CSMD3: variants seen among roughly 807,000 people sequenced by gnomAD.
CSMD3 encodes the protein CUB and Sushi multiple domains 3.
Under a neutral mutation model 435.2 loss-of-function variants are expected in CSMD3, and 177 were observed. The ratio of observed to expected loss-of-function variants is 0.41; its 90% CI spans 0.36 to 0.46. The LOEUF is 0.46. CSMD3 is among the 20% of genes least tolerant of loss of function. CSMD3 has a pLI of 0.34. For missense variants in CSMD3, 4,265 were observed against 4,504.6 expected (o/e 0.95, Z 1.52); for synonymous variants, 1,656 against 1,520.5 (o/e 1.09, Z -2.07).
At chr8:112,769,825 G>T (rs2078067945) in intron 13 of CSMD3, among the ~76,000 whole-genome samples, 1 of 151,464 alleles carries the variant, frequency 6.6e-6, no homozygotes, top group Admixed American at 6.6e-5. Context: ...TATTTAAGTT[G>T]AAAAAATTAT....
At chr8:113,007,200 C>A (rs2086090528) in intron 6 of CSMD3, among the ~76,000 whole-genome samples, 1 of 151,864 alleles carries the variant, frequency 6.6e-6, no homozygotes, top group Admixed American at 6.6e-5. Context: ...TGATTACTCT[C>A]TAGGGCTTGG....
intron 13 of CSMD3, among the ~76,000 whole-genome samples, chr8:112,763,175 A>G (rs548432381): frequency 8.6e-4 from 130 of 151,788 alleles, no homozygotes; most frequent in African/African-American, 3.1e-3. Flanking sequence ...TATTTTGTCA[A>G]GTTAAAAAAA....
At chr8:113,260,953 T>C (rs1237353173) in intron 3 of CSMD3, among the ~76,000 whole-genome samples, 3 of 152,182 alleles carry the variant, frequency 2.0e-5, no homozygotes, top group Non-Finnish European at 4.4e-5. Context: ...ATGTGCCACA[T>C]TTTCTTTATC....
At chr8:112,459,853 C>T (rs1036369726) in intron 32 of CSMD3, among the ~76,000 whole-genome samples, 2 of 152,020 alleles carry the variant, frequency 1.3e-5, no homozygotes, top group African/African-American at 2.4e-5. Context: ...ATATATAGTC[C>T]CTTTCAGAAA....
chr8:113,247,632 T>C (rs1422074720), intron 3 of CSMD3, among the ~76,000 whole-genome samples: 4 of 152,140 alleles, frequency 2.6e-5, no homozygotes, highest in African/African-American at 9.6e-5. Flanking sequence ...GAGGAGTAGA[T>C]TTCTGTAAGT....
chr8:112,390,354 C>G (rs762266735), intron 36 of CSMD3, among the ~76,000 whole-genome samples: 2 of 152,072 alleles, frequency 1.3e-5, no homozygotes, highest in Non-Finnish European at 2.9e-5. Flanking sequence ...CATGGCAGAA[C>G]AGAGAGATGG....
At chr8:112,349,156 AAAAAAT>A (rs1166906697) in intron 40 of CSMD3, among the ~76,000 whole-genome samples, 1 of 152,124 alleles carries the variant, frequency 6.6e-6, no homozygotes, top group Non-Finnish European at 1.5e-5. Context: ...ACATAATGTG[AAAAAAT>A]AAATATGTAA....
chr8:112,977,894 T>C (rs1173107096), intron 6 of CSMD3, among the ~76,000 whole-genome samples: 2 of 152,046 alleles, frequency 1.3e-5, no homozygotes, highest in Admixed American at 6.6e-5. Context: ...ATAATAATTT[T>C]TTAACCACAT....
rs1026321562 is a variant in CSMD3, at chr8:113,233,426, T to A, written c.514+45166A>T. Among the ~76,000 whole-genome samples, 4 of 150,786 alleles carry A rather than the reference T, an allele frequency of 2.7e-5. No individual in the cohort carries two copies. In the East Asian group the frequency reaches 7.8e-4, roughly 29 times the overall value. On this transcript the variant is annotated intron_variant, in intron 3 of 70. Coordinates refer to ENST00000297405, the MANE Select transcript of CSMD3 (RefSeq NM_198123.2). ...AAATTAAAAACATGATTGTTCAGAT[T>A]AAAAAATAATAAAACCTTGCATTTA... is the stretch of plus-strand genomic sequence containing the variant.
chr8:113,278,561 C>T (rs1386821855), intron 3 of CSMD3, 31 bp downstream of exon 3: 5 of 986,036 alleles, frequency 5.1e-6, no homozygotes, highest in Non-Finnish European at 4.9e-6. Context: ...ACATTAAGGG[C>T]AGTGGTTTGT....
chr8:112,305,811 T>A (rs1378917932), intron 51 of CSMD3, among the ~76,000 whole-genome samples, 196 bp downstream of exon 51: 4 of 152,164 alleles, frequency 2.6e-5, no homozygotes, highest in Non-Finnish European at 5.9e-5. Context: ...TCTGAGGTTT[T>A]CAAAAATGAT....
At chr8:112,881,219 G>C (rs2081439058) in intron 10 of CSMD3, among the ~76,000 whole-genome samples, 1 of 151,938 alleles carries the variant, frequency 6.6e-6, no homozygotes, top group Non-Finnish European at 1.5e-5. Context: ...TGAAACAACT[G>C]CTACAAAATA....
intron 64 of CSMD3, 42 bp downstream of exon 64, chr8:112,246,978 T>G (rs768663381): frequency 7.3e-7 from 1 of 1,363,238 alleles, no homozygotes; most frequent in South Asian, 1.2e-5. Flanking sequence ...TGCATATAAA[T>G]TCTTACCCAT....
At chr8:113,171,962 T>A (rs908204336) in intron 4 of CSMD3, among the ~76,000 whole-genome samples, 1 of 152,154 alleles carries the variant, frequency 6.6e-6, no homozygotes, top group African/African-American at 2.4e-5. Context: ...CTGCCCATTA[T>A]AAAAGAGTCA....
chr8:113,007,666 G>A (rs1478457724), intron 6 of CSMD3, among the ~76,000 whole-genome samples: 3 of 151,852 alleles, frequency 2.0e-5, no homozygotes, highest in Non-Finnish European at 2.9e-5. Flanking sequence ...GAACCTAACC[G>A]AGTTTTAATC....
intron 11 of CSMD3, among the ~76,000 whole-genome samples, chr8:112,834,070 A>T (rs1446649707): frequency 6.6e-6 from 1 of 151,970 alleles, no homozygotes; most frequent in Non-Finnish European, 1.5e-5. Flanking sequence ...GACTTTGGAC[A>T]CCCATTTAAT....
chr8:112,654,525 T>C (rs185625870), intron 18 of CSMD3, among the ~76,000 whole-genome samples: 51 of 152,342 alleles, frequency 3.3e-4, no homozygotes, highest in African/African-American at 1.2e-3. Flanking sequence ...CTTTGCCTTT[T>C]AAGGCACTAG....
intron 22 of CSMD3, among the ~76,000 whole-genome samples, chr8:112,613,951 T>C (rs570708485): frequency 2.0e-5 from 3 of 152,096 alleles, no homozygotes; most frequent in Non-Finnish European, 4.4e-5. Context: ...AGCAAAACTT[T>C]GTCGTAGAAT....
intron 3 of CSMD3, among the ~76,000 whole-genome samples, chr8:113,247,205 CACTT>C (rs1256034742): frequency 2.0e-5 from 3 of 152,290 alleles, no homozygotes; most frequent in Admixed American, 1.3e-4. Flanking sequence ...AAACAACTAA[CACTT>C]ATTTATTTAT....
Sources: allele counts gnomAD v4.1 joint callset (sites outside exome capture counted in the v4.1 genomes callset), GRCh38; gene constraint gnomAD v4.1.1; transcripts MANE v1.5; gene names NCBI Gene and HGNC (gene_info 2026-07-23, HGNC 2026-07-21).